Variants in KCNQ5 observed in about 807,000 individuals in gnomAD.
The protein encoded by KCNQ5 is potassium voltage-gated channel subfamily KQT member 5.
In KCNQ5, 30 loss-of-function variants were observed where a neutral mutation model predicts 98.2. That is an observed-to-expected ratio of 0.31 (90% CI 0.23 to 0.41). KCNQ5 has a LOEUF of 0.41. Among genes scored for constraint, KCNQ5 ranks in the 10% least tolerant of loss-of-function variants. The pLI, the probability that KCNQ5 is intolerant of heterozygous loss-of-function variation, is 1.00. For missense variants in KCNQ5, 835 were observed against 1,182.5 expected (o/e 0.71, Z 4.31); for synonymous variants, 458 against 449.4 (o/e 1.02, Z -0.24).
At chr6:73,111,714 A>C (rs1197915576) in intron 7 of KCNQ5, among the ~76,000 whole-genome samples, 1 of 152,230 alleles carries the variant, frequency 6.6e-6, no homozygotes, top group Non-Finnish European at 1.5e-5. Flanking sequence ...CTTATGAATT[A>C]CTTGATGAAA....
At chr6:73,112,809 T>C (rs986998833) in intron 7 of KCNQ5, among the ~76,000 whole-genome samples, 1 of 151,858 alleles carries the variant, frequency 6.6e-6, no homozygotes, top group Non-Finnish European at 1.5e-5. Context: ...TTCAGTTATA[T>C]CATGAAGGAG....
rs182194588 is a variant in KCNQ5, at chr6:73,012,543, G to A, written c.489+8545G>A. Among the ~76,000 whole-genome samples, 506 of 152,176 alleles carry A rather than the reference G, an allele frequency of 3.3e-3. 2 individuals are homozygous for A. Among genetic ancestry groups the A allele is most frequent in the Non-Finnish European group, 5.1e-3 (350 of 67,976 alleles). On this transcript the variant is annotated intron_variant, in intron 2 of 13. Coordinates refer to ENST00000370398, the MANE Select transcript of KCNQ5 (RefSeq NM_019842.4). ...AAGAAGAAAAGAGTTAGGGAGATGG[G>A]TGGTGGGGATGGTTCTGTAACATTA...
intron 1 of KCNQ5, among the ~76,000 whole-genome samples, chr6:72,628,949 A>G (rs1318052528): frequency 6.6e-6 from 1 of 151,366 alleles, no homozygotes; most frequent in African/African-American, 2.4e-5. Context: ...AGAACACATC[A>G]CTCCTCCTCT....
intron 1 of KCNQ5, among the ~76,000 whole-genome samples, chr6:72,887,991 T>C (rs1778911033): frequency 6.6e-6 from 1 of 152,034 alleles, no homozygotes; most frequent in South Asian, 2.1e-4. Context: ...ATATAACACA[T>C]TAATATTAAA....
chr6:72,820,658 G>A (rs1177116562), intron 1 of KCNQ5, among the ~76,000 whole-genome samples: 1 of 151,772 alleles, frequency 6.6e-6, no homozygotes, highest in African/African-American at 2.4e-5. Context: ...CTCAGAGAAT[G>A]TGGCAGCATT....
Position 72,893,666 on chromosome 6 carries a change from C to T in KCNQ5, c.399-110242C>T, listed in dbSNP as rs191980276. Among the ~76,000 whole-genome samples, 35 of 152,288 alleles carry T rather than the reference C, an allele frequency of 2.3e-4. 2 individuals carry two copies. Among genetic ancestry groups the T allele is most frequent in the Admixed American group, 2.2e-3 (34 of 15,302 alleles). On this transcript the variant is annotated intron_variant, in intron 1 of 13. Coordinates refer to ENST00000370398, the MANE Select transcript of KCNQ5 (RefSeq NM_019842.4). ...TCCTGGTAATAATAATGAATTTAGA[C>T]CTATTTTTCCACACCATTTTTGCTG...
chr6:72,806,359 C>A (rs1246566156), intron 1 of KCNQ5, among the ~76,000 whole-genome samples: 1 of 152,038 alleles, frequency 6.6e-6, no homozygotes, highest in Non-Finnish European at 1.5e-5. Context: ...GGGTCAGTCC[C>A]ATCTAAGTAA....
chr6:72,838,940 A>C (rs1326574493), intron 1 of KCNQ5, among the ~76,000 whole-genome samples: 1 of 90,762 alleles, frequency 1.1e-5, no homozygotes, highest in Non-Finnish European at 2.1e-5. Context: ...ACAGAGCGAG[A>C]CTCCGTCTCA....
At position 72,700,295 on chromosome 6, in the gene KCNQ5, C is replaced by G. The variant is rs182168967; in HGVS notation, c.398+77708C>G. 7.4e-3 allele frequency among the ~76,000 whole-genome samples: 629 copies of G among 84,842 alleles called. 2 individuals are homozygous for G. The highest frequency in any genetic ancestry group is 7.2e-3 in the Admixed American group (69 of 9,598). 55.7% of individuals were successfully genotyped at this position (84,842 alleles called of 152,430 possible). A position where few individuals can be genotyped will look rare whatever the true frequency, so the allele number is the denominator to read the frequency against. On this transcript the variant is annotated intron_variant, in intron 1 of 13. Coordinates refer to ENST00000370398, the MANE Select transcript of KCNQ5 (RefSeq NM_019842.4). ...AAATGGCCAATCTATATATCTATAT[C>G]TATCTATCTATCTATCTATCTATCT...
At chr6:72,731,575 T>C (rs1582186113) in intron 1 of KCNQ5, among the ~76,000 whole-genome samples, 1 of 152,184 alleles carries the variant, frequency 6.6e-6, no homozygotes, top group South Asian at 2.1e-4. Flanking sequence ...TGCCTCATGG[T>C]TCATGATGGC....
intron 1 of KCNQ5, among the ~76,000 whole-genome samples, chr6:72,671,865 G>A (rs959859402): frequency 7.2e-5 from 11 of 151,846 alleles, no homozygotes; most frequent in African/African-American, 2.7e-4. Context: ...CACCCAGGCT[G>A]GAGTGCAGTG....
intron 1 of KCNQ5, among the ~76,000 whole-genome samples, chr6:72,789,052 A>G (rs1249824041): frequency 2.0e-5 from 3 of 152,220 alleles, no homozygotes; most frequent in Non-Finnish European, 4.4e-5. Context: ...TGGTGGAGCC[A>G]AAGGCATTAT....
At chr6:72,946,502 A>G (rs1317540598) in intron 1 of KCNQ5, among the ~76,000 whole-genome samples, 3 of 152,198 alleles carry the variant, frequency 2.0e-5, no homozygotes, top group African/African-American at 7.2e-5. Flanking sequence ...TATTTAATAC[A>G]TCATAGACTG....
intron 1 of KCNQ5, among the ~76,000 whole-genome samples, chr6:72,738,088 G>A (rs1208637786): frequency 1.3e-5 from 2 of 152,150 alleles, no homozygotes; most frequent in Non-Finnish European, 2.9e-5. Flanking sequence ...CCACGAGGTG[G>A]AGCCTGCAGT....
intron 1 of KCNQ5, among the ~76,000 whole-genome samples, chr6:72,982,731 A>T (rs934813567): frequency 3.9e-5 from 6 of 151,950 alleles, no homozygotes; most frequent in Non-Finnish European, 8.8e-5. Context: ...TTAGCTGGTT[A>T]TTTTGCCCAT....
At chr6:73,112,411 T>C (rs1264693025) in intron 7 of KCNQ5, among the ~76,000 whole-genome samples, 1 of 151,662 alleles carries the variant, frequency 6.6e-6, no homozygotes, top group Non-Finnish European at 1.5e-5. Context: ...AGTGGTGCGA[T>C]CTCGGCTCAC....
chr6:72,879,645 T>C (rs934837609), intron 1 of KCNQ5, among the ~76,000 whole-genome samples: 1 of 152,190 alleles, frequency 6.6e-6, no homozygotes, highest in Non-Finnish European at 1.5e-5. Flanking sequence ...TGTCTTATGA[T>C]ACAAAAAATA....
At chr6:72,784,479 C>T (rs1258839143) in intron 1 of KCNQ5, among the ~76,000 whole-genome samples, 1 of 152,070 alleles carries the variant, frequency 6.6e-6, no homozygotes, top group Non-Finnish European at 1.5e-5. Context: ...GTAATGTATT[C>T]ACTGCAGGTA....
chr6:72,837,749 AAT>A (rs531380457), intron 1 of KCNQ5, among the ~76,000 whole-genome samples: 54 of 152,296 alleles, frequency 3.5e-4, no homozygotes, highest in Non-Finnish European at 6.9e-4. Context: ...TTAAAGATGT[AAT>A]ATGTTAAACA....
Sources: allele counts gnomAD v4.1 joint callset (sites outside exome capture counted in the v4.1 genomes callset), GRCh38; gene constraint gnomAD v4.1.1; transcripts MANE v1.5; gene names NCBI Gene and HGNC (gene_info 2026-07-23, HGNC 2026-07-21).